The following CHL1 variants were observed in gnomAD, a reference collection of about 807,000 sequenced individuals.
CHL1 encodes the protein neural cell adhesion molecule L1-like protein.
CHL1 carries 96 observed loss-of-function variants against 141.9 expected under a neutral mutation model. That is an observed-to-expected ratio of 0.68 (90% confidence interval 0.57 to 0.80). CHL1 has a LOEUF of 0.80. Ranked by LOEUF, CHL1 falls within the 30% of genes least tolerant of loss-of-function variation. CHL1 has a pLI of 0.00. For missense variants in CHL1, 1,820 were observed against 1,457.2 expected (o/e 1.25, Z -4.05); for synonymous variants, 613 against 502.2 (o/e 1.22, Z -2.95).
At chr3:355,967 C>A (rs1305014355) in intron 11 of CHL1, among the ~76,000 whole-genome samples, 1 of 152,132 alleles carries the variant, frequency 6.6e-6, no homozygotes, top group Non-Finnish European at 1.5e-5. Context: ...CACTGACTCA[C>A]GGGGTTGTTT....
intron 2 of CHL1, among the ~76,000 whole-genome samples, chr3:254,714 G>C (rs566557671): frequency 6.6e-6 from 1 of 152,278 alleles, no homozygotes; most frequent in Admixed American, 6.5e-5. Context: ...CCTTCTCGAT[G>C]CTTCCTTCAG....
rs1334635227 is a variant in CHL1 at position 390,613 on chromosome 3, G to C, written c.2471-88G>C. ...GAATTTCACAAAAGTGCTTTCTCCA[G>C]AAGAAACATTATGAAAATTTTTGAA... is the stretch of plus-strand genomic sequence containing the variant. On this transcript the variant is annotated intron_variant, in intron 20 of 27. Coordinates refer to ENST00000256509, the MANE Select transcript of CHL1 (RefSeq NM_006614.4). The C allele has an allele frequency of 1.2e-5, 9 of 757,398 alleles. No homozygotes were observed. The East Asian group carries it at 2.3e-4, about 19-fold the overall frequency. 46.9% of individuals were successfully genotyped at this position (757,398 alleles called of 1,614,324 possible).
At chr3:287,721 A>G (rs991174304) in intron 2 of CHL1, among the ~76,000 whole-genome samples, 17 of 151,556 alleles carry the variant, frequency 1.1e-4, no homozygotes, top group Non-Finnish European at 2.2e-4. Flanking sequence ...AAAAATGATC[A>G]TTTTTGTTAT....
At chr3:275,324 C>T (rs1188374004) in intron 2 of CHL1, among the ~76,000 whole-genome samples, 1 of 152,122 alleles carries the variant, frequency 6.6e-6, no homozygotes, top group East Asian at 1.9e-4. Context: ...GTCAGATTTC[C>T]CTTGTCAGAC....
chr3:342,857 T>C (rs1575117089), intron 7 of CHL1, 127 bp from the exon 8 acceptor site: 2 of 628,472 alleles, frequency 3.2e-6, no homozygotes, highest in Non-Finnish European at 5.4e-6. Context: ...AAAGGCAATG[T>C]TCTAGTGAAG....
intron 2 of CHL1, among the ~76,000 whole-genome samples, chr3:297,519 T>C (rs3899107): frequency 0.15 from 22,385 of 152,168 alleles, 1,981 homozygotes; most frequent in East Asian, 0.39. Flanking sequence ...AATATCATAG[T>C]AATTCTCAAA....
At chr3:221,907 A>G (rs1179803389) in intron 1 of CHL1, among the ~76,000 whole-genome samples, 3 of 152,236 alleles carry the variant, frequency 2.0e-5, no homozygotes, top group African/African-American at 7.2e-5. Flanking sequence ...CATTTAAGAC[A>G]TAAGTTTGAT....
chr3:365,947 C>T lies in CHL1; in HGVS notation c.1586-3C>T, dbSNP rs1704825309. 1 of 1,610,540 alleles carries T rather than the reference C, an allele frequency of 6.2e-7. No individual in the cohort carries two copies. Among genetic ancestry groups the T allele is most frequent in the African/African-American group, 1.3e-5 (1 of 74,910 alleles). On this transcript the variant is annotated splice_region_variant and splice_polypyrimidine_tract_variant and intron_variant, in intron 14 of 27. Coordinates refer to ENST00000256509, the MANE Select transcript of CHL1 (RefSeq NM_006614.4). The stretch of plus-strand genomic sequence containing the variant: ...AACTAATATCTTTGTTTGGTAAAAA[C>T]AGATGCTACAAAACTTAGAGTTTCT...
In CHL1 at chr3:319,715, C is replaced by A; in HGVS notation, c.-62C>A. The A allele has an allele frequency of 9.0e-7, 1 of 1,113,002 alleles. No individual in the cohort carries two copies. The highest frequency in any genetic ancestry group is 1.3e-5 in the South Asian group (1 of 75,178). 68.9% of individuals were successfully genotyped at this position (1,113,002 alleles called of 1,614,324 possible). A position where few individuals can be genotyped will look rare whatever the true frequency, so the allele number is the denominator to read the frequency against. ...GTTAACTAAGGTCTCAGCTGTAAAC[C>A]AAAAGTGAGAGGAGACATTAAGATT... On this transcript the variant is annotated 5_prime_UTR_variant, in exon 3 of 28. Coordinates refer to ENST00000256509, the MANE Select transcript of CHL1 (RefSeq NM_006614.4).
chr3:212,224 T>A (rs999239496), intron 1 of CHL1, among the ~76,000 whole-genome samples: 2 of 151,992 alleles, frequency 1.3e-5, no homozygotes, highest in Non-Finnish European at 2.9e-5. Context: ...TTGTTGGGGG[T>A]TCTGGAACCC....
intron 1 of CHL1, among the ~76,000 whole-genome samples, chr3:236,600 G>A (rs1692006742): frequency 6.6e-6 from 1 of 152,090 alleles, no homozygotes; most frequent in Non-Finnish European, 1.5e-5. Context: ...ATTCTATTGT[G>A]TACGATTTGC....
intron 1 of CHL1, among the ~76,000 whole-genome samples, chr3:210,840 G>A (rs988565727): frequency 6.6e-6 from 1 of 152,136 alleles, no homozygotes; most frequent in Non-Finnish European, 1.5e-5. Context: ...AGACCCACAT[G>A]ACTGTGAGAA....
chr3:279,293 T>C (rs891211935), intron 2 of CHL1, among the ~76,000 whole-genome samples: 2 of 152,194 alleles, frequency 1.3e-5, no homozygotes, highest in East Asian at 3.8e-4. Context: ...TTTTCTTTTC[T>C]ATTTTGGATC....
chr3:284,242 A>G (rs910533204), intron 2 of CHL1, among the ~76,000 whole-genome samples: 50 of 152,358 alleles, frequency 3.3e-4, no homozygotes, highest in Non-Finnish European at 3.7e-4. Context: ...TTAGTGGACA[A>G]GGAAGGACTT....
intron 2 of CHL1, among the ~76,000 whole-genome samples, chr3:302,680 C>G (rs1419486450): frequency 6.6e-6 from 1 of 152,092 alleles, no homozygotes; most frequent in Non-Finnish European, 1.5e-5. Flanking sequence ...AAATTTTCTC[C>G]CAATCTGTAG....
intron 1 of CHL1, among the ~76,000 whole-genome samples, chr3:214,541 A>C (rs1700151212): frequency 6.6e-6 from 1 of 152,196 alleles, no homozygotes; most frequent in South Asian, 2.1e-4. Context: ...ATGCTTAAAT[A>C]ATTGACTTGA....
At chr3:229,258 T>A (rs1328431689) in intron 1 of CHL1, among the ~76,000 whole-genome samples, 1 of 152,228 alleles carries the variant, frequency 6.6e-6, no homozygotes, top group African/African-American at 2.4e-5. Flanking sequence ...TTTTTCCTAA[T>A]TGTTATGTCC....
intron 27 of CHL1, among the ~76,000 whole-genome samples, chr3:403,649 C>G (rs776766313): frequency 6.6e-5 from 10 of 152,140 alleles, no homozygotes; most frequent in Non-Finnish European, 1.3e-4. Context: ...AATGCCTTGT[C>G]TAAAAACCCA....
In CHL1 at chr3:383,848, CA is replaced by C; in HGVS notation, c.2211del (p.Ala738ProfsTer7). ...PDRNPQNIRV[Q>X]ASQPKEMIIK... ...TAGGAATCCACAAAACATAAGGGTT[CA>C]AGCCTCTCAACCCAAGGAAATGATT... On this transcript the variant is annotated frameshift_variant, in exon 19 of 28. Coordinates refer to ENST00000256509, the MANE Select transcript of CHL1 (RefSeq NM_006614.4). LOFTEE classifies it high-confidence loss of function. 1 of 1,610,166 alleles carries C rather than the reference CA, an allele frequency of 6.2e-7. No homozygotes were observed. The highest frequency in any genetic ancestry group is 8.5e-7 in the Non-Finnish European group (1 of 1,177,748).
Sources: gnomAD v4.1 joint callset for allele counts (sites outside exome capture counted in the v4.1 genomes callset) on GRCh38, gnomAD v4.1.1 for gene constraint, MANE v1.5 for transcripts, NCBI Gene and HGNC (gene_info 2026-07-23, HGNC 2026-07-21) for gene names.